IL1RAPL2: variants seen among roughly 807,000 people sequenced by gnomAD.
The protein encoded by IL1RAPL2 is X-linked interleukin-1 receptor accessory protein-like 2.
A neutral mutation model predicts 44.1 loss-of-function variants in IL1RAPL2; 3 were observed. The observed-to-expected ratio is 0.07, with a 90% confidence interval of 0.03 to 0.18. The LOEUF is 0.18. Among genes scored for constraint, IL1RAPL2 ranks in the 10% least tolerant of loss-of-function variants. The pLI is 1.00. For missense variants in IL1RAPL2, 391 were observed against 496.4 expected (o/e 0.79, Z 2.02); for synonymous variants, 181 against 178.8 (o/e 1.01, Z -0.10).
chrX:105,077,715 C>A (rs1221276525), intron 2 of IL1RAPL2, among the ~76,000 whole-genome samples: 1 of 111,537 alleles, frequency 9.0e-6, no homozygotes, highest in African/African-American at 3.3e-5. Context: ...TCACATAGTC[C>A]CATATTTCTT....
chrX:104,567,896 T>C (rs1004119137), intron 1 of IL1RAPL2, among the ~76,000 whole-genome samples: 12 of 112,389 alleles, frequency 1.1e-4, no homozygotes, highest in African/African-American at 3.2e-4. Flanking sequence ...ATGTGTATTA[T>C]AACAAATGTC....
intron 1 of IL1RAPL2, among the ~76,000 whole-genome samples, chrX:104,643,848 A>G (rs1411765395): frequency 1.8e-5 from 2 of 111,734 alleles, no homozygotes; most frequent in Non-Finnish European, 3.8e-5. Context: ...TTTGCCTCCA[A>G]TTGATTCCTT....
At chrX:105,145,858 C>T (rs1320926750) in intron 2 of IL1RAPL2, among the ~76,000 whole-genome samples, 5 of 111,529 alleles carry the variant, frequency 4.5e-5, no homozygotes, top group Admixed American at 3.8e-4. Flanking sequence ...TTTGTGTCCC[C>T]TCCAAAATCA....
intron 2 of IL1RAPL2, among the ~76,000 whole-genome samples, chrX:104,747,080 T>G (rs1337110407): frequency 9.0e-6 from 1 of 111,420 alleles, no homozygotes; most frequent in African/African-American, 3.3e-5. Context: ...GCCAGACTAG[T>G]GTACTTATCC....
intron 5 of IL1RAPL2, among the ~76,000 whole-genome samples, chrX:105,405,254 ACATTCTT>A (rs1312671278): frequency 2.8e-4 from 31 of 111,730 alleles, no homozygotes; most frequent in African/African-American, 9.4e-4. Context: ...AAATACTCAA[ACATTCTT>A]CCTTTATATA....
intron 6 of IL1RAPL2, among the ~76,000 whole-genome samples, chrX:105,649,509 T>C (rs2037628346): frequency 8.9e-6 from 1 of 112,357 alleles, no homozygotes; most frequent in African/African-American, 3.2e-5. Flanking sequence ...AGACTTTGAT[T>C]AACCAGAATG....
chrX:104,942,891 G>T (rs1383739033), intron 2 of IL1RAPL2, among the ~76,000 whole-genome samples: 1 of 111,704 alleles, frequency 9.0e-6, no homozygotes, highest in African/African-American at 3.3e-5. Flanking sequence ...TTTATTGAGA[G>T]TTTTTAGCAT....
At chrX:105,460,519 A>T (rs975689014) in intron 5 of IL1RAPL2, among the ~76,000 whole-genome samples, 4 of 110,379 alleles carry the variant, frequency 3.6e-5, no homozygotes, top group Non-Finnish European at 7.6e-5. Flanking sequence ...TCAAATATGG[A>T]GTATTAATCA....
At chrX:105,608,220 A>C (rs892078027) in intron 6 of IL1RAPL2, among the ~76,000 whole-genome samples, 2 of 111,825 alleles carry the variant, frequency 1.8e-5, no homozygotes, top group Non-Finnish European at 3.8e-5. Context: ...CATTAGGTGC[A>C]GATATCTTCC....
At chrX:105,557,113 G>C (rs2036901763) in intron 6 of IL1RAPL2, among the ~76,000 whole-genome samples, 1 of 111,945 alleles carries the variant, frequency 8.9e-6, no homozygotes, top group South Asian at 3.7e-4. Context: ...TTTTAGAAAA[G>C]CGAATTATAT....
chrX:105,267,562 A>G, intron 5 of IL1RAPL2, 21 bp downstream of exon 5: 1 of 1,128,362 alleles, frequency 8.9e-7, no homozygotes, highest in Non-Finnish European at 1.2e-6. Context: ...GTTCTACAAA[A>G]TTACGGCAAA....
intron 7 of IL1RAPL2, among the ~76,000 whole-genome samples, chrX:105,738,387 T>C (rs1348422608): frequency 9.0e-6 from 1 of 111,253 alleles, no homozygotes; most frequent in Non-Finnish European, 1.9e-5. Flanking sequence ...GAGCTTGTTG[T>C]AATTGGGAGG....
intron 1 of IL1RAPL2, among the ~76,000 whole-genome samples, chrX:104,629,401 G>A (rs1389584929): frequency 9.0e-6 from 1 of 111,724 alleles, no homozygotes; most frequent in African/African-American, 3.3e-5. Flanking sequence ...AGGTTGAATT[G>A]TTTGAGCTCC....
In IL1RAPL2 at chrX:105,187,970, C is replaced by CAT. The variant is rs782636946; in HGVS notation, c.83-7495_83-7494dup. ...CACATAGAAACATCATGTCATATAT[C>CAT]ATATATATATACAATTTTATTTGTT... On this transcript the variant is annotated intron_variant, in intron 2 of 10. Coordinates refer to ENST00000372582, the MANE Select transcript of IL1RAPL2 (RefSeq NM_017416.2). Among the ~76,000 whole-genome samples, 493 of 110,851 alleles carry CAT rather than the reference C, an allele frequency of 4.4e-3. 3 individuals are homozygous for CAT. The highest frequency in any genetic ancestry group is 7.0e-3 in the Non-Finnish European group (369 of 52,972).
At chrX:104,644,615 A>G (rs1412940245) in intron 1 of IL1RAPL2, among the ~76,000 whole-genome samples, 1 of 110,120 alleles carries the variant, frequency 9.1e-6, no homozygotes, top group Non-Finnish European at 1.9e-5. Flanking sequence ...CTTTTCGACC[A>G]TTCCCCCTTT....
intron 6 of IL1RAPL2, among the ~76,000 whole-genome samples, chrX:105,540,641 T>C (rs2036713446): frequency 9.5e-6 from 1 of 105,303 alleles, no homozygotes; most frequent in Admixed American, 1.1e-4. Context: ...TCCGTTGAAT[T>C]TCTGACTCAT....
chrX:104,911,888 C>T (rs1924249396), intron 2 of IL1RAPL2, among the ~76,000 whole-genome samples: 1 of 111,745 alleles, frequency 8.9e-6, no homozygotes, highest in Non-Finnish European at 1.9e-5. Context: ...CTGAATTACT[C>T]TCCTGTAAGT....
intron 6 of IL1RAPL2, among the ~76,000 whole-genome samples, chrX:105,512,591 A>G (rs1254209986): frequency 8.9e-6 from 1 of 111,735 alleles, no homozygotes; most frequent in Non-Finnish European, 1.9e-5. Context: ...AACATATCAC[A>G]TTTACTGAAA....
chrX:105,078,902 G>A (rs1036467702), intron 2 of IL1RAPL2, among the ~76,000 whole-genome samples: 2 of 112,155 alleles, frequency 1.8e-5, no homozygotes, highest in Non-Finnish European at 3.8e-5. Context: ...TAGGGTGGGA[G>A]TGACCCGATT....
Sources: allele counts gnomAD v4.1 joint callset (sites outside exome capture counted in the v4.1 genomes callset), GRCh38; gene constraint gnomAD v4.1.1; transcripts MANE v1.5; gene names NCBI Gene and HGNC (gene_info 2026-07-23, HGNC 2026-07-21).